Variants in DMXL2 observed in about 807,000 individuals in gnomAD.
The protein encoded by DMXL2 is dmX-like protein 2.
In DMXL2, 103 loss-of-function variants were observed where a neutral mutation model predicts 331.1. The ratio of observed to expected loss-of-function variants is 0.31; its 90% confidence interval spans 0.27 to 0.37. The LOEUF (loss-of-function observed/expected upper bound fraction) is 0.37. Among genes scored for constraint, DMXL2 ranks in the 10% least tolerant of loss-of-function variants. The pLI is 1.00. For missense variants in DMXL2, 3,171 were observed against 3,642.9 expected (o/e 0.87, Z 3.33); for synonymous variants, 1,281 against 1,252.1 (o/e 1.02, Z -0.49).
At chr15:51,460,403 T>G (rs960516021) in intron 33 of DMXL2, 12 of 983,866 alleles carry the variant, frequency 1.2e-5, no homozygotes, top group African/African-American at 5.2e-5. Flanking sequence ...CCAAGAAAAC[T>G]TCCAAGGAAT....
intron 1 of DMXL2, among the ~76,000 whole-genome samples, chr15:51,589,627 T>C (rs1205001026): frequency 1.3e-5 from 2 of 152,224 alleles, no homozygotes; most frequent in Non-Finnish European, 2.9e-5. Flanking sequence ...ACTAAAGTTA[T>C]CTGTGATTGC....
In DMXL2 at chr15:51,565,187, G is replaced by C. The variant is rs765253086; in HGVS notation, c.286-21C>G. ...AGTTGCTGAAATACGTAGACAAAAA[G>C]AAATAAGAAAAAAGAAAAAGATGTT... On this transcript the variant is annotated intron_variant, in intron 3 of 43. Transcript: ENST00000560891. The C allele has an allele frequency of 4.0e-6, 6 of 1,503,288 alleles. No individual in the cohort carries two copies. In the East Asian group the frequency reaches 1.4e-4, roughly 36 times the overall value. 93.1% of individuals were successfully genotyped at this position (1,503,288 alleles called of 1,614,324 possible).
chr15:51,579,725 A>T (rs984239970), intron 1 of DMXL2, among the ~76,000 whole-genome samples: 12 of 152,292 alleles, frequency 7.9e-5, no homozygotes, highest in Middle Eastern at 3.4e-3. Flanking sequence ...CTATCCTCAT[A>T]AGCTTAAGAA....
intron 9 of DMXL2, among the ~76,000 whole-genome samples, chr15:51,540,801 T>C (rs2048552777): frequency 1.3e-5 from 2 of 152,144 alleles, no homozygotes; most frequent in Non-Finnish European, 2.9e-5. Flanking sequence ...TGTAGGTAAG[T>C]TAGGATGAGC....
Position 51,542,353 on chromosome 15 carries a change from G to C in DMXL2, c.1085C>G (p.Ala362Gly). Residue 362 changes from alanine to glycine, a missense_variant, in exon 9 of 44, where the codon GCA becomes GGA. Physicochemically the swap from Ala to Gly is moderately conservative, Grantham distance 60 (BLOSUM62 0). Transcript: ENST00000560891. ...ANALCHFHIA[A>G]SINPATDIPN... ...TTTACCTGTGGCAGGGTTGATGCTT[G>C]CTGCAATATGAAAATGACAGAGTGC... 1.2e-6 allele frequency: 2 copies of C among 1,613,410 alleles called. No homozygotes were observed. Among genetic ancestry groups the C allele is most frequent in the South Asian group, 2.2e-5 (2 of 91,012 alleles).
intron 9 of DMXL2, among the ~76,000 whole-genome samples, chr15:51,539,334 G>GTTC (rs879834098): frequency 2.0e-5 from 3 of 152,058 alleles, no homozygotes; most frequent in Non-Finnish European, 2.9e-5. Context: ...TCAAAGTGAA[G>GTTC]AATATAAAAG....
At chr15:51,526,911 C>A (rs2047707011) in intron 13 of DMXL2, among the ~76,000 whole-genome samples, 1 of 151,964 alleles carries the variant, frequency 6.6e-6, no homozygotes, top group Admixed American at 6.6e-5. Flanking sequence ...CTCAAAAGGG[C>A]AAATCTAAGA....
rs375382526 is a variant in DMXL2 at position 51,481,336 on chromosome 15, G to C, written c.5770C>G (p.Pro1924Ala). Residue 1924 changes from proline (P) to alanine (A), a missense_variant, in exon 24 of 44, where the codon CCT becomes GCT. Around this residue, in one of 7 missense-constraint regions of DMXL2, gnomAD observed 244 missense variants for 251.4 expected, o/e 0.97. Transcript: ENST00000560891. ...TSALSAKKDQ[P>A]DFISHRMDDV... ...TCCATCCTGTGAGAAATGAAGTCAG[G>C]CTGATCTTTTTTTGCAGATAAGGCA... 1.2e-6 allele frequency: 2 copies of C among 1,614,106 alleles called. No homozygotes were observed. Among genetic ancestry groups the C allele is most frequent in the South Asian group, 1.1e-5 (1 of 91,064 alleles).
At chr15:51,596,128 C>A (rs1453999902) in intron 1 of DMXL2, among the ~76,000 whole-genome samples, 2 of 152,166 alleles carry the variant, frequency 1.3e-5, no homozygotes, top group African/African-American at 4.8e-5. Context: ...TCAGAGTGAA[C>A]AGGCAACCTA....
At chr15:51,602,308 G>A (rs1343756665) in intron 1 of DMXL2, among the ~76,000 whole-genome samples, 3 of 152,072 alleles carry the variant, frequency 2.0e-5, no homozygotes, top group South Asian at 2.1e-4. Flanking sequence ...CAGAAAGGGA[G>A]GAAAAATTCT....
chr15:51,595,400 C>T (rs1251382680), intron 1 of DMXL2, among the ~76,000 whole-genome samples: 2 of 152,116 alleles, frequency 1.3e-5, no homozygotes, highest in Non-Finnish European at 1.5e-5. Context: ...AACTACAAAC[C>T]ACTGCTCAAT....
chr15:51,496,722 T>C (rs2043206411), intron 18 of DMXL2, among the ~76,000 whole-genome samples: 1 of 152,192 alleles, frequency 6.6e-6, no homozygotes, highest in African/African-American at 2.4e-5. Flanking sequence ...GAATTGATTA[T>C]TGGATTCTGG....
intron 13 of DMXL2, among the ~76,000 whole-genome samples, chr15:51,531,622 T>C (rs2048006300): frequency 6.6e-6 from 1 of 152,120 alleles, no homozygotes; most frequent in Non-Finnish European, 1.5e-5. Context: ...AAACTACTCA[T>C]CTGAAACGGG....
intron 14 of DMXL2, among the ~76,000 whole-genome samples, chr15:51,515,515 C>A (rs951096062): frequency 2.6e-5 from 4 of 152,084 alleles, no homozygotes; most frequent in Non-Finnish European, 5.9e-5. Context: ...TTAAAAATCT[C>A]TTCACATTCA....
At chr15:51,475,200 A>G (rs1471276841) in intron 27 of DMXL2, among the ~76,000 whole-genome samples, 1 of 152,116 alleles carries the variant, frequency 6.6e-6, no homozygotes, top group East Asian at 1.9e-4. Context: ...AACATTAAGA[A>G]AAAAATCAGG....
intron 1 of DMXL2, among the ~76,000 whole-genome samples, chr15:51,586,391 C>A (rs1301090534): frequency 1.3e-5 from 2 of 152,076 alleles, no homozygotes; most frequent in East Asian, 1.9e-4. Flanking sequence ...AAACAAAAAT[C>A]TATGGGAAGA....
At position 51,563,244 on chromosome 15, in the gene DMXL2, C is replaced by T. The variant is rs1220053507; in HGVS notation, c.567+137G>A. On this transcript the variant is annotated intron_variant, in intron 6 of 43. Transcript: ENST00000560891. ...AATACCAGGTCTTTTACAAACACCACTTTTATTCTTCAGGCCAGCTTTGCC... is the reference window on the plus strand; with the variant it reads ...AATACCAGGTCTTTTACAAACACCATTTTTATTCTTCAGGCCAGCTTTGCC... The T allele has an allele frequency of 4.8e-5, 35 of 728,936 alleles. No homozygotes were observed. In the East Asian group the frequency reaches 1.1e-3, roughly 23 times the overall value. 45.2% of individuals were successfully genotyped at this position (728,936 alleles called of 1,614,324 possible). A position where few individuals can be genotyped will look rare whatever the true frequency, so the allele number is the denominator to read the frequency against.
intron 33 of DMXL2, among the ~76,000 whole-genome samples, chr15:51,461,859 C>G (rs369608355): frequency 1.9e-4 from 29 of 152,202 alleles, no homozygotes; most frequent in African/African-American, 6.7e-4. Context: ...TATTTTAAAT[C>G]ACTATCTTAG....
rs190083864 is a variant in DMXL2 at position 51,568,720 on chromosome 15, C to T, written c.214-162G>A. On this transcript the variant is annotated intron_variant, in intron 2 of 43. Transcript: ENST00000560891. The stretch of plus-strand genomic sequence containing the variant: ...CTGGAAGTGTACTGGAGTTAAGAGT[C>T]TCTCCCCTGTTATCAAAAAATTCAG... Among the ~76,000 whole-genome samples the T allele has an allele frequency of 3.5e-3, 531 of 152,208 alleles. 1 individual carries two copies. Among genetic ancestry groups the T allele is most frequent in the Non-Finnish European group, 5.9e-3 (401 of 68,008 alleles).
Sources: allele counts gnomAD v4.1 joint callset (sites outside exome capture counted in the v4.1 genomes callset), GRCh38; gene constraint gnomAD v4.1.1; regional missense constraint gnomAD v4.1.1; transcripts MANE v1.5; gene names NCBI Gene and HGNC (gene_info 2026-07-23, HGNC 2026-07-21).